ZCCHC24: variants seen among roughly 807,000 people sequenced by gnomAD.
ZCCHC24 encodes zinc finger CCHC-type containing 24.
ZCCHC24 carries 10 observed loss-of-function variants against 26.2 expected under a neutral mutation model. The ratio of observed to expected loss-of-function variants is 0.38; its 90% CI spans 0.24 to 0.65. The LOEUF (loss-of-function observed/expected upper bound fraction) is 0.65. Among genes scored for constraint, ZCCHC24 ranks in the 30% least tolerant of loss-of-function variants. The probability of loss-of-function intolerance (pLI) is 0.54; values close to 1 mark genes in which losing one functional copy is unlikely to be tolerated. For synonymous variants in ZCCHC24, 144 were observed against 147.1 expected (o/e 0.98, Z 0.15); for missense variants, 243 against 329.1 (o/e 0.74, Z 2.03).
intron 1 of ZCCHC24, among the ~76,000 whole-genome samples, chr10:79,440,128 C>CACA (rs1857272557): frequency 6.6e-6 from 1 of 152,064 alleles, no homozygotes; most frequent in South Asian, 2.1e-4. Context: ...CACACACACA[C>CACA]ACAACAGATC....
At chr10:79,436,648 A>G (rs984980292) in intron 1 of ZCCHC24, among the ~76,000 whole-genome samples, 2 of 152,204 alleles carry the variant, frequency 1.3e-5, no homozygotes, top group East Asian at 3.9e-4. Flanking sequence ...GCAACCCTCC[A>G]TTGCCCCACA....
intron 2 of ZCCHC24, among the ~76,000 whole-genome samples, chr10:79,430,854 C>T (rs886582579): frequency 6.6e-5 from 10 of 152,170 alleles, no homozygotes; most frequent in Non-Finnish European, 2.9e-5. Context: ...CATACCTCCT[C>T]GGGGCTCCAG....
At chr10:79,432,908 G>A in intron 1 of ZCCHC24, 150 bp from the exon 2 acceptor site, 1 of 850,860 alleles carries the variant, frequency 1.2e-6, no homozygotes, top group South Asian at 1.8e-5. Context: ...CCTAACTAGT[G>A]TGTCTCCATG....
intron 2 of ZCCHC24, among the ~76,000 whole-genome samples, chr10:79,410,885 G>C (rs1444162176): frequency 6.6e-6 from 1 of 152,116 alleles, no homozygotes; most frequent in South Asian, 2.1e-4. Context: ...GCTAGCCTTG[G>C]GGGAGGAGAG....
intron 2 of ZCCHC24, among the ~76,000 whole-genome samples, chr10:79,424,193 A>G (rs950699189): frequency 1.3e-5 from 2 of 152,100 alleles, no homozygotes; most frequent in African/African-American, 4.8e-5. Flanking sequence ...CCTAGTTCCC[A>G]CTGATTTGTA....
chr10:79,386,037 C>T lies in ZCCHC24; in HGVS notation c.*308G>A. On this transcript the variant is annotated 3_prime_UTR_variant, in exon 4 of 4. Transcript: ENST00000372336. ...CCCCAAAGAGGCTCTCAGAGGCGAG[C>T]CTGTGGGGACACCCAGGGCTCCTGG... is the stretch of plus-strand genomic sequence containing the variant. 3 of 531,808 alleles carry T rather than the reference C, an allele frequency of 5.6e-6. No individual in the cohort carries two copies. The highest frequency in any genetic ancestry group is 1.0e-5 in the Non-Finnish European group (3 of 296,232). The allele number at this position is 531,808 out of a possible 1,614,324, so 32.9% of individuals were successfully genotyped here. A position where few individuals can be genotyped will look rare whatever the true frequency, so the allele number is the denominator to read the frequency against.
At chr10:79,423,591 A>ATTTTATATATATATATATATATTT (rs373110200) in intron 2 of ZCCHC24, among the ~76,000 whole-genome samples, 4 of 49,666 alleles carry the variant, frequency 8.1e-5, no homozygotes, top group East Asian at 5.9e-4. Context: ...CTATATATAT[A>ATTTTATATATATATATATATATTT]TATATATATA....
At chr10:79,390,681 G>T (rs1856467933) in intron 3 of ZCCHC24, among the ~76,000 whole-genome samples, 3 of 152,240 alleles carry the variant, frequency 2.0e-5, no homozygotes, top group Admixed American at 2.0e-4. Context: ...ACACTCTGCA[G>T]CTGGGGCTGA....
At chr10:79,431,401 GA>G (rs1052925851) in intron 2 of ZCCHC24, among the ~76,000 whole-genome samples, 8 of 152,218 alleles carry the variant, frequency 5.3e-5, no homozygotes, top group African/African-American at 1.9e-4. Flanking sequence ...GGGTCTGCAG[GA>G]AAGTCGTCAG....
chr10:79,445,207 C>A lies in ZCCHC24; in HGVS notation c.234G>T (p.Leu78=). ...CGGGGGCACCCACCTCTCCGCGCTG[C>A]AGCTGGAAGAAGCTGTTGAGATAGC... ...HSSYLNSFFQ[L]QRGEALSNSV... Residue 78 remains leucine, a synonymous_variant, in exon 1 of 4, where the codon CTG becomes CTT. Coordinates refer to ENST00000372336, the MANE Select transcript of ZCCHC24 (RefSeq NM_153367.4). 7.7e-7 allele frequency: 1 copy of A among 1,295,530 alleles called. No homozygotes were observed. The allele number at this position is 1,295,530 out of a possible 1,614,324, so 80.3% of individuals were successfully genotyped here.
chr10:79,432,875 G>T, intron 1 of ZCCHC24, 117 bp from the exon 2 acceptor site: 2 of 1,147,020 alleles, frequency 1.7e-6, no homozygotes, highest in Non-Finnish European at 2.4e-6. Flanking sequence ...AGGGCTCTGG[G>T]CTCCAGAAGC....
chr10:79,427,277 A>G (rs1250507047), intron 2 of ZCCHC24, among the ~76,000 whole-genome samples: 1 of 152,204 alleles, frequency 6.6e-6, no homozygotes, highest in Non-Finnish European at 1.5e-5. Context: ...AATAATAATA[A>G]AAGAACTGGG....
chr10:79,395,166 C>T (rs1589660494), intron 2 of ZCCHC24, among the ~76,000 whole-genome samples: 2 of 152,084 alleles, frequency 1.3e-5, no homozygotes, highest in South Asian at 4.1e-4. Flanking sequence ...GCCTCAGCCA[C>T]CTGAGTAGCT....
intron 2 of ZCCHC24, among the ~76,000 whole-genome samples, chr10:79,426,260 G>C (rs1174812635): frequency 6.6e-6 from 1 of 152,174 alleles, no homozygotes; most frequent in Non-Finnish European, 1.5e-5. Flanking sequence ...GGGCTCCATG[G>C]GCAGCTTCAG....
At chr10:79,439,005 G>A (rs560722218) in intron 1 of ZCCHC24, among the ~76,000 whole-genome samples, 19 of 152,358 alleles carry the variant, frequency 1.2e-4, no homozygotes, top group African/African-American at 3.1e-4. Flanking sequence ...GAAAGGACCC[G>A]CATATTTAGC....
chr10:79,386,130 C>A lies in ZCCHC24; in HGVS notation c.*215G>T. 1.7e-6 allele frequency: 1 copy of A among 604,566 alleles called. No homozygotes were observed. The allele number at this position is 604,566 out of a possible 1,614,324, so 37.5% of individuals were successfully genotyped here. On this transcript the variant is annotated 3_prime_UTR_variant, in exon 4 of 4. Coordinates refer to ENST00000372336, the MANE Select transcript of ZCCHC24 (RefSeq NM_153367.4). ...AGGCCCGCCTGCAAAAAGCCCCAGA[C>A]TCCCTGCTTTCCCTGGCCTGTGGGG... is the stretch of plus-strand genomic sequence containing the variant.
intron 2 of ZCCHC24, among the ~76,000 whole-genome samples, chr10:79,407,059 C>A (rs11596207): frequency 0.31 from 47,734 of 152,202 alleles, 8,556 homozygotes; most frequent in African/African-American, 0.47. Context: ...CCCAGGGCTC[C>A]TCTTGTCACT....
At chr10:79,395,683 CACTT>C (rs1376588227) in intron 2 of ZCCHC24, among the ~76,000 whole-genome samples, 3 of 152,204 alleles carry the variant, frequency 2.0e-5, no homozygotes, top group African/African-American at 7.2e-5. Flanking sequence ...ATTTAAGACT[CACTT>C]GTGTTTCCTT....
chr10:79,439,546 TC>T (rs1857262797), intron 1 of ZCCHC24, among the ~76,000 whole-genome samples: 1 of 152,098 alleles, frequency 6.6e-6, no homozygotes, highest in Non-Finnish European at 1.5e-5. Flanking sequence ...AAGACAAGAT[TC>T]CTACTCTCAG....
Sources: gnomAD v4.1 joint callset for allele counts (sites outside exome capture counted in the v4.1 genomes callset) on GRCh38, gnomAD v4.1.1 for gene constraint, MANE v1.5 for transcripts, NCBI Gene and HGNC (gene_info 2026-07-23, HGNC 2026-07-21) for gene names.